The following CRYBG1 variants were observed in gnomAD, a reference collection of about 807,000 sequenced individuals.
CRYBG1 encodes beta/gamma crystallin domain-containing protein 1.
A neutral mutation model predicts 189.2 loss-of-function variants in CRYBG1; 139 were observed. The observed-to-expected ratio is 0.73, with a 90% CI of 0.64 to 0.85. The LOEUF (loss-of-function observed/expected upper bound fraction) is 0.85. Ranked by LOEUF, CRYBG1 falls within the 40% of genes least tolerant of loss-of-function variation. CRYBG1 has a pLI of 0.00. For missense variants in CRYBG1, 2,611 were observed against 2,675.8 expected, an observed-to-expected ratio of 0.98 and a Z score of 0.53; for synonymous variants, 1,023 against 1,017.1, an observed-to-expected ratio of 1.01 and a Z score of -0.11.
At position 106,521,035 on chromosome 6, in the gene CRYBG1, G is replaced by T; in HGVS notation, c.3827G>T (p.Gly1276Val). The change falls in exon 4 of 22, where the codon GGT becomes GTT. Residue 1276 changes from glycine (G) to valine (V), a missense_variant. Gly to Val is a moderately radical substitution (Grantham distance 109). This residue lies in a region of CRYBG1 where 1,622 missense variants were observed against 1,735.0 expected (regional missense o/e 0.93). Coordinates refer to ENST00000633556, the MANE Select transcript of CRYBG1 (RefSeq NM_001371242.2). ...MTTAFSTSQN[G>V]SLSQSSVSQP... is the part of the protein sequence containing the mutation. ...ACGGCTTTCAGTACTTCTCAGAACG[G>T]TTCCCTATCTCAGTCTTCAGTGTCA... 1 of 1,614,168 alleles carries T rather than the reference G, an allele frequency of 6.2e-7. No individual in the cohort carries two copies. The highest frequency in any genetic ancestry group is 8.5e-7 in the Non-Finnish European group (1 of 1,180,020).
intron 1 of CRYBG1, among the ~76,000 whole-genome samples, chr6:106,440,375 C>T (rs1771545783): frequency 6.6e-6 from 1 of 151,996 alleles, no homozygotes; most frequent in Admixed American, 6.6e-5. Flanking sequence ...AGCAAGTCTT[C>T]TGCCTCAACC....
intron 7 of CRYBG1, 81 bp from the exon 8 acceptor site, chr6:106,530,095 G>A (rs1206990580): frequency 9.4e-6 from 12 of 1,281,936 alleles, no homozygotes; most frequent in Non-Finnish European, 1.3e-5. Flanking sequence ...TTGATTAGTT[G>A]TAAGAAGAAG....
At chr6:106,367,058 T>A (rs1772014626) in intron 1 of CRYBG1, among the ~76,000 whole-genome samples, 1 of 152,218 alleles carries the variant, frequency 6.6e-6, no homozygotes, top group South Asian at 2.1e-4. Flanking sequence ...GGCTAAACTT[T>A]CTACTTGACA....
intron 1 of CRYBG1, among the ~76,000 whole-genome samples, chr6:106,434,972 G>A (rs765360694): frequency 3.2e-4 from 48 of 152,220 alleles, no homozygotes; most frequent in Non-Finnish European, 5.6e-4. Context: ...GGTAAATGAA[G>A]AGTTACAGAT....
chr6:106,552,828 C>A (rs982154250), intron 15 of CRYBG1, among the ~76,000 whole-genome samples: 2 of 152,104 alleles, frequency 1.3e-5, no homozygotes, highest in South Asian at 2.1e-4. Flanking sequence ...ATATTTCAAA[C>A]AATAGCATCT....
intron 1 of CRYBG1, among the ~76,000 whole-genome samples, chr6:106,389,453 A>G (rs1770457910): frequency 6.6e-6 from 1 of 152,156 alleles, no homozygotes; most frequent in Admixed American, 6.5e-5. Context: ...TGTCCAATTA[A>G]AAATTTTTAA....
chr6:106,360,771 G>A lies in CRYBG1; in HGVS notation c.-138G>A, dbSNP rs995753972. The A allele has an allele frequency of 1.7e-5, 17 of 1,027,004 alleles. No homozygotes were observed. Among genetic ancestry groups the A allele is most frequent in the Non-Finnish European group, 2.3e-5 (17 of 744,714 alleles). 63.6% of individuals were successfully genotyped at this position (1,027,004 alleles called of 1,614,324 possible). ...TTCTGCAACCCGCGGCCGTCCCCCCGCATCCGCGACGAGGGGGCGGGGTCC... is the reference window on the plus strand; with the variant it reads ...TTCTGCAACCCGCGGCCGTCCCCCCACATCCGCGACGAGGGGGCGGGGTCC... On this transcript the variant is annotated 5_prime_UTR_variant, in exon 1 of 22. Transcript: ENST00000633556.
At chr6:106,517,405 CACACACATATAT>C (rs1773459490) in intron 3 of CRYBG1, among the ~76,000 whole-genome samples, 1 of 142,794 alleles carries the variant, frequency 7.0e-6, no homozygotes, top group African/African-American at 2.7e-5. Context: ...TATATATACA[CACACACATATAT>C]ACACATATAT....
Position 106,519,938 on chromosome 6 carries a change from ATG to A in CRYBG1, c.2734_2735del (p.Val912PhefsTer9). Reference protein sequence around the residue: ...DLKVSENHKGCVLPVSRQNNE... With the variant: ...DLKVSENHKGXVLPVSRQNNE... ...TAAAAGTGTCAGAAAACCATAAAGGATGTGTTTTGCCTGTGTCTCGTCAGAAC... is the reference window on the plus strand; with the variant it reads ...TAAAAGTGTCAGAAAACCATAAAGGATGTTTTGCCTGTGTCTCGTCAGAAC... On this transcript the variant is annotated frameshift_variant, in exon 4 of 22. Coordinates refer to ENST00000633556, the MANE Select transcript of CRYBG1 (RefSeq NM_001371242.2). LOFTEE classifies it high-confidence loss of function. 2.5e-6 allele frequency: 4 copies of A among 1,614,166 alleles called. No homozygotes were observed. The highest frequency in any genetic ancestry group is 3.4e-6 in the Non-Finnish European group (4 of 1,180,026).
intron 1 of CRYBG1, among the ~76,000 whole-genome samples, chr6:106,379,690 C>G (rs1414232474): frequency 6.6e-6 from 1 of 152,094 alleles, no homozygotes; most frequent in Non-Finnish European, 1.5e-5. Context: ...TCCTGAGTAG[C>G]TGGGACTACA....
rs908486670 is a variant in CRYBG1 at position 106,570,396 on chromosome 6, T to C, written c.*1830T>C. 3 of 152,250 alleles carry C rather than the reference T, an allele frequency of 2.0e-5. No homozygotes were observed. The highest frequency in any genetic ancestry group is 7.2e-5 in the African/African-American group (3 of 41,468). The allele number at this position is 152,250 out of a possible 1,614,324, so 9.4% of individuals were successfully genotyped here. A position where few individuals can be genotyped will look rare whatever the true frequency, so the allele number is the denominator to read the frequency against. ...TACAATATGGTGGGGTAAGACATTC[T>C]ACAGTAGCCTGTGCTGAACTGATCT... On this transcript the variant is annotated 3_prime_UTR_variant, in exon 22 of 22. Coordinates refer to ENST00000633556, the MANE Select transcript of CRYBG1 (RefSeq NM_001371242.2).
At chr6:106,384,078 C>T (rs1256606248) in intron 1 of CRYBG1, among the ~76,000 whole-genome samples, 1 of 152,162 alleles carries the variant, frequency 6.6e-6, no homozygotes, top group East Asian at 1.9e-4. Context: ...AGCACATCAC[C>T]TCTATTGAGG....
At position 106,520,413 on chromosome 6, in the gene CRYBG1, A is replaced by T. The variant is rs371008588; in HGVS notation, c.3205A>T (p.Thr1069Ser). ...NSPSSGNHLA[T>S]PQRPDQTVTN... Reference sequence around the variant, plus strand: ...TCCCAGCAGCGGAAATCACTTAGCCACTCCTCAAAGGCCAGATCAGACTGT... The same window carrying T: ...TCCCAGCAGCGGAAATCACTTAGCCTCTCCTCAAAGGCCAGATCAGACTGT... Residue 1069 changes from threonine to serine, a missense_variant, in exon 4 of 22, where the codon ACT becomes TCT. Coordinates refer to ENST00000633556, the MANE Select transcript of CRYBG1 (RefSeq NM_001371242.2). 4 of 1,613,940 alleles carry T rather than the reference A, an allele frequency of 2.5e-6. 1 individual carries two copies. The South Asian group carries it at 3.3e-5, about 13-fold the overall frequency.
intron 1 of CRYBG1, among the ~76,000 whole-genome samples, chr6:106,440,034 T>A (rs1487525823): frequency 6.6e-6 from 1 of 152,218 alleles, no homozygotes; most frequent in Admixed American, 6.5e-5. Context: ...TCAAGAGCTG[T>A]ACAAGAAGCC....
At chr6:106,551,482 C>T (rs371940014) in intron 13 of CRYBG1, among the ~76,000 whole-genome samples, 16 of 152,342 alleles carry the variant, frequency 1.1e-4, no homozygotes, top group African/African-American at 1.7e-4. Flanking sequence ...AAACAAGACA[C>T]GTGCAAGTAT....
At chr6:106,380,800 A>G (rs191115349) in intron 1 of CRYBG1, among the ~76,000 whole-genome samples, 2 of 152,188 alleles carry the variant, frequency 1.3e-5, no homozygotes, top group African/African-American at 4.8e-5. Context: ...AAAGTTTGTC[A>G]TGTAAGTACA....
intron 18 of CRYBG1, 92 bp downstream of exon 18, chr6:106,558,717 C>T (rs1397774252): frequency 1.0e-6 from 1 of 994,372 alleles, no homozygotes; most frequent in Non-Finnish European, 1.4e-6. Flanking sequence ...ATTCCCAACA[C>T]TTTAGGAGGC....
chr6:106,477,900 T>C (rs1423551369), intron 2 of CRYBG1, among the ~76,000 whole-genome samples: 2 of 152,270 alleles, frequency 1.3e-5, no homozygotes, highest in Admixed American at 1.3e-4. Context: ...AGCACGGAGC[T>C]GTGACTGCTT....
intron 2 of CRYBG1, among the ~76,000 whole-genome samples, chr6:106,492,249 A>G (rs1045725169): frequency 2.6e-5 from 4 of 152,164 alleles, no homozygotes; most frequent in African/African-American, 9.7e-5. Flanking sequence ...TATGTTGTCT[A>G]TCCATTCCAT....
Sources: allele counts gnomAD v4.1 joint callset (sites outside exome capture counted in the v4.1 genomes callset), GRCh38; gene constraint gnomAD v4.1.1; regional missense constraint gnomAD v4.1.1; transcripts MANE v1.5; gene names NCBI Gene and HGNC (gene_info 2026-07-23, HGNC 2026-07-21).